ROR2: variants seen among roughly 807,000 people sequenced by gnomAD.
ROR2 encodes the protein ROR family WNT receptor 2, also known as tyrosine-protein kinase transmembrane receptor ROR2.
Under a neutral mutation model 74.9 loss-of-function variants are expected in ROR2, and 33 were observed. The observed-to-expected ratio is 0.44, with a 90% CI of 0.33 to 0.59. The LOEUF (loss-of-function observed/expected upper bound fraction) is 0.59. Ranked by LOEUF, ROR2 falls within the 20% of genes least tolerant of loss-of-function variation. ROR2 has a pLI of 0.02. For synonymous variants in ROR2, 586 were observed against 558.7 expected (o/e 1.05, Z -0.69); for missense variants, 1,216 against 1,313.8 (o/e 0.93, Z 1.15).
Position 91,757,566 on chromosome 9 carries a change from A to C in ROR2, c.176-7T>G, listed in dbSNP as rs761390637. The stretch of plus-strand genomic sequence containing the variant: ...AGAAAATTCAGAAAGTAACCTGCCA[A>C]GGAGAGCGGTCACAAAAGAGCAAGC... On this transcript the variant is annotated splice_region_variant and splice_polypyrimidine_tract_variant and intron_variant, in intron 2 of 8. Transcript: ENST00000375708. 1.9e-6 allele frequency: 3 copies of C among 1,612,936 alleles called. No individual in the cohort carries two copies. Among genetic ancestry groups the C allele is most frequent in the African/African-American group, 1.3e-5 (1 of 74,876 alleles).
chr9:91,753,485 C>T (rs541416603), intron 4 of ROR2, among the ~76,000 whole-genome samples: 21 of 152,274 alleles, frequency 1.4e-4, no homozygotes, highest in African/African-American at 4.1e-4. Context: ...TTGACGTTGT[C>T]GGGAAAGTAA....
chr9:91,870,528 C>T (rs139764623), intron 1 of ROR2, among the ~76,000 whole-genome samples: 7 of 152,192 alleles, frequency 4.6e-5, no homozygotes, highest in Non-Finnish European at 1.0e-4. Flanking sequence ...ATTTTCAGGG[C>T]TCTATCTATT....
intron 2 of ROR2, among the ~76,000 whole-genome samples, chr9:91,764,039 A>T (rs1400796648): frequency 6.6e-6 from 1 of 152,196 alleles, no homozygotes; most frequent in African/African-American, 2.4e-5. Flanking sequence ...ATGTTTATCT[A>T]CTAGATTCAA....
At chr9:91,858,212 A>G (rs1350777101) in intron 1 of ROR2, among the ~76,000 whole-genome samples, 1 of 147,862 alleles carries the variant, frequency 6.8e-6, no homozygotes, top group African/African-American at 2.7e-5. Flanking sequence ...ACCGAGGGCT[A>G]ACTGAGGTGG....
At chr9:91,877,437 T>A (rs1372154641) in intron 1 of ROR2, among the ~76,000 whole-genome samples, 2 of 152,142 alleles carry the variant, frequency 1.3e-5, no homozygotes, top group Admixed American at 6.6e-5. Flanking sequence ...CAGGATGACC[T>A]CCCCAGTAAG....
At chr9:91,807,677 G>T (rs1332441249) in intron 1 of ROR2, among the ~76,000 whole-genome samples, 1 of 152,118 alleles carries the variant, frequency 6.6e-6, no homozygotes, top group Non-Finnish European at 1.5e-5. Context: ...AAGTGGACTG[G>T]AGGACACCCA....
At chr9:91,852,742 A>T (rs1656164751) in intron 1 of ROR2, among the ~76,000 whole-genome samples, 1 of 152,196 alleles carries the variant, frequency 6.6e-6, no homozygotes, top group South Asian at 2.1e-4. Flanking sequence ...TAAAGAAATC[A>T]TTCCTATCCT....
chr9:91,811,616 C>A (rs535107916), intron 1 of ROR2, among the ~76,000 whole-genome samples: 12 of 152,264 alleles, frequency 7.9e-5, no homozygotes, highest in African/African-American at 2.9e-4. Flanking sequence ...ACCCAACTAC[C>A]TCCTCATGCA....
At chr9:91,744,118 G>A (rs1270137212) in intron 4 of ROR2, among the ~76,000 whole-genome samples, 1 of 150,586 alleles carries the variant, frequency 6.6e-6, no homozygotes, top group Non-Finnish European at 1.5e-5. Context: ...CACAAGGCAG[G>A]AATTTTTAGT....
At chr9:91,901,056 G>A (rs1471047591) in intron 1 of ROR2, among the ~76,000 whole-genome samples, 1 of 152,172 alleles carries the variant, frequency 6.6e-6, no homozygotes, top group Non-Finnish European at 1.5e-5. Context: ...TCCAGAGCCA[G>A]GAAGGTCGGG....
chr9:91,844,081 C>T (rs908961359), intron 1 of ROR2, among the ~76,000 whole-genome samples: 2 of 152,204 alleles, frequency 1.3e-5, no homozygotes, highest in African/African-American at 4.8e-5. Context: ...GGCCATCAAA[C>T]GCGGAGCTGC....
chr9:91,813,712 T>C (rs1000035129), intron 1 of ROR2, among the ~76,000 whole-genome samples: 1 of 152,130 alleles, frequency 6.6e-6, no homozygotes, highest in African/African-American at 2.4e-5. Flanking sequence ...TGCCACTCCA[T>C]ATGAATTCAG....
At chr9:91,834,034 C>T (rs1828544693) in intron 1 of ROR2, among the ~76,000 whole-genome samples, 1 of 152,186 alleles carries the variant, frequency 6.6e-6, no homozygotes, top group African/African-American at 2.4e-5. Flanking sequence ...CCTGGGCCTG[C>T]AGACTGTAAA....
At chr9:91,924,188 T>C (rs10820919) in intron 1 of ROR2, among the ~76,000 whole-genome samples, 37,854 of 152,224 alleles carry the variant, frequency 0.25, 4,860 homozygotes, top group Admixed American at 0.31. Flanking sequence ...TTGTCCTCCA[T>C]GGTAGGTGAT....
chr9:91,825,571 G>A (rs1299104888), intron 1 of ROR2, among the ~76,000 whole-genome samples: 1 of 152,202 alleles, frequency 6.6e-6, no homozygotes, highest in Admixed American at 6.5e-5. Context: ...GAAGGTGGGT[G>A]TCAGGAAACA....
At chr9:91,933,566 T>C (rs1358608906) in intron 1 of ROR2, among the ~76,000 whole-genome samples, 1 of 152,164 alleles carries the variant, frequency 6.6e-6, no homozygotes, top group East Asian at 1.9e-4. Flanking sequence ...TTTTTAAAAA[T>C]GAGGTAGCCT....
rs150752475 is a variant in ROR2, at chr9:91,805,274, C to T, written c.98-29456G>A. Among the ~76,000 whole-genome samples the T allele has an allele frequency of 5.9e-5, 9 of 152,354 alleles. 1 individual carries two copies. Among genetic ancestry groups the T allele is most frequent in the African/African-American group, 1.7e-4 (7 of 41,576 alleles). Reference sequence around the variant, plus strand: ...AGTTCTGTCCATCCACTCCAAGACACGGAGTTAGGGGCAGGGGAGAACAGA... The same window carrying T: ...AGTTCTGTCCATCCACTCCAAGACATGGAGTTAGGGGCAGGGGAGAACAGA... On this transcript the variant is annotated intron_variant, in intron 1 of 8. Coordinates refer to ENST00000375708, the MANE Select transcript of ROR2 (RefSeq NM_004560.4).
At chr9:91,936,769 G>A (rs978877369) in intron 1 of ROR2, among the ~76,000 whole-genome samples, 3 of 151,848 alleles carry the variant, frequency 2.0e-5, no homozygotes, top group Non-Finnish European at 4.4e-5. Context: ...GGTGGCTCAC[G>A]CCTGTAATCC....
chr9:91,914,261 C>A (rs2119442258), intron 1 of ROR2, among the ~76,000 whole-genome samples: 1 of 152,262 alleles, frequency 6.6e-6, no homozygotes, highest in East Asian at 1.9e-4. Flanking sequence ...CCAAGCATAA[C>A]GTGGCCATAT....
Sources: gnomAD v4.1 joint callset for allele counts (sites outside exome capture counted in the v4.1 genomes callset) on GRCh38, gnomAD v4.1.1 for gene constraint, MANE v1.5 for transcripts, NCBI Gene and HGNC (gene_info 2026-07-23, HGNC 2026-07-21) for gene names.